TXNL1: variants seen among roughly 807,000 people sequenced by gnomAD.
TXNL1 encodes the protein thioredoxin like 1.
In TXNL1, 14 loss-of-function variants were observed where a neutral mutation model predicts 35.5. The ratio of observed to expected loss-of-function variants is 0.39; its 90% CI spans 0.26 to 0.62. The LOEUF is 0.62. Ranked by LOEUF, TXNL1 falls within the 20% of genes least tolerant of loss-of-function variation. The probability of loss-of-function intolerance (pLI) is 0.47; values close to 1 mark genes in which losing one functional copy is unlikely to be tolerated. For missense variants in TXNL1, 263 were observed against 349.7 expected (o/e 0.75, Z 1.98); for synonymous variants, 110 against 115.5 (o/e 0.95, Z 0.31).
chr18:56,636,813 CG>C (rs752408886), intron 1 of TXNL1, among the ~76,000 whole-genome samples: 1 of 152,092 alleles, frequency 6.6e-6, no homozygotes, highest in Non-Finnish European at 1.5e-5. Flanking sequence ...AAAGCTTCGA[CG>C]GGCCAGAATT....
At chr18:56,610,651 A>G (rs1475461731) in intron 7 of TXNL1, 1 of 155,228 alleles carries the variant, frequency 6.4e-6, no homozygotes, top group Non-Finnish European at 1.4e-5. Context: ...CAACTAAGTT[A>G]TTTAATTCTC....
chr18:56,612,759 C>T (rs2024018214), intron 6 of TXNL1, among the ~76,000 whole-genome samples: 1 of 152,036 alleles, frequency 6.6e-6, no homozygotes, highest in African/African-American at 2.4e-5. Context: ...TCATAGGCAG[C>T]CATATGTTAT....
intron 3 of TXNL1, among the ~76,000 whole-genome samples, chr18:56,621,000 C>T (rs751336013): frequency 1.3e-5 from 2 of 152,254 alleles, no homozygotes; most frequent in Non-Finnish European, 2.9e-5. Flanking sequence ...GAACATTTGC[C>T]TTAAAAGGGC....
chr18:56,635,413 GATT>G (rs1430510023), intron 1 of TXNL1, among the ~76,000 whole-genome samples: 1 of 152,146 alleles, frequency 6.6e-6, no homozygotes, highest in Admixed American at 6.6e-5. Flanking sequence ...TAAATAAATG[GATT>G]ATGTTATGCA....
intron 7 of TXNL1, among the ~76,000 whole-genome samples, chr18:56,604,648 T>C (rs2023860063): frequency 6.6e-6 from 1 of 152,326 alleles, no homozygotes; most frequent in Admixed American, 6.5e-5. Flanking sequence ...TGATCTTCTA[T>C]ATTAATATGT....
At chr18:56,605,911 G>T in intron 7 of TXNL1, among the ~76,000 whole-genome samples, 1 of 152,254 alleles carries the variant, frequency 6.6e-6, no homozygotes, top group Non-Finnish European at 1.5e-5. Context: ...ACTAAAAACG[G>T]AAATTATCCA....
chr18:56,629,154 A>G (rs950619374), intron 1 of TXNL1, among the ~76,000 whole-genome samples: 9 of 152,234 alleles, frequency 5.9e-5, no homozygotes, highest in African/African-American at 2.2e-4. Flanking sequence ...ATGTAGTATA[A>G]GGAAGTTCAA....
Position 56,611,083 on chromosome 18 carries a change from C to T in TXNL1, c.750G>A (p.Ser250=), listed in dbSNP as rs756925766. ...NVNSVTIFVQ[S]NQGEEETTRI... is the part of the protein sequence containing the mutation. ...TTGTTGTTTCCTCTTCACCTTGATT[C>T]GACTGAACAAATATCTACCAAAAAA... The change falls in exon 7 of 8, where the codon TCG becomes TCA. Residue 250 remains serine (S), a synonymous_variant. Transcript: ENST00000217515. 2.1e-5 allele frequency: 34 copies of T among 1,602,060 alleles called. No individual in the cohort carries two copies. In the Middle Eastern group the frequency reaches 1.5e-3, roughly 70 times the overall value.
chr18:56,631,675 G>A (rs2024373443), intron 1 of TXNL1, among the ~76,000 whole-genome samples: 1 of 152,074 alleles, frequency 6.6e-6, no homozygotes, highest in Non-Finnish European at 1.5e-5. Context: ...TCCCAGCACT[G>A]TGGGGAGGCC....
chr18:56,624,367 A>T lies in TXNL1; in HGVS notation c.290T>A (p.Val97Glu). 1 of 1,613,844 alleles carries T rather than the reference A, an allele frequency of 6.2e-7. No individual in the cohort carries two copies. Among genetic ancestry groups the T allele is most frequent in the Non-Finnish European group, 8.5e-7 (1 of 1,179,866 alleles). The part of the protein sequence containing the change: ...RIDQYQGADA[V>E]GLEEKIKQHL... ...CTGCTTGATTTTTTCTTCTAATCCC[A>T]CAGCATCTGCTCCTTGATATTGATC... Residue 97 changes from valine (V) to glutamate (E), a missense_variant, in exon 3 of 8, where the codon GTG becomes GAG. Physicochemically the swap from Val to Glu is moderately radical, Grantham distance 121. Transcript: ENST00000217515.
intron 3 of TXNL1, among the ~76,000 whole-genome samples, chr18:56,619,487 G>A (rs568165530): frequency 1.5e-5 from 2 of 135,640 alleles, no homozygotes; most frequent in African/African-American, 5.6e-5. Context: ...GCAGTGAGCC[G>A]AGATCACACC....
At chr18:56,609,404 C>T (rs1394598127) in intron 7 of TXNL1, 2 of 152,028 alleles carry the variant, frequency 1.3e-5, no homozygotes, top group East Asian at 1.9e-4. Context: ...ATGTTAAACA[C>T]GAGGTGGAGG....
intron 6 of TXNL1, among the ~76,000 whole-genome samples, chr18:56,611,788 G>C (rs1242640416): frequency 2.0e-5 from 3 of 150,784 alleles, no homozygotes; most frequent in Non-Finnish European, 3.0e-5. Flanking sequence ...CCGCCTCCCA[G>C]GTTCAAACGA....
In TXNL1 at chr18:56,624,302, T is replaced by C; in HGVS notation, c.355A>G (p.Ile119Val). 1.2e-6 allele frequency: 2 copies of C among 1,613,058 alleles called. No homozygotes were observed. Among genetic ancestry groups the C allele is most frequent in the South Asian group, 1.1e-5 (1 of 90,960 alleles). Residue 119 changes from isoleucine to valine, a missense_variant, in exon 3 of 8, where the codon ATT becomes GTT. Transcript: ENST00000217515. ...NDPGSNEDTD[I>V]PKGYMDLMPF... ...AGTCTACATACATAGCCTTTTGGAA[T>C]ATCTGTGTCCTCATTGCTTCCAGGG...
chr18:56,632,552 A>G (rs1380030138), intron 1 of TXNL1, among the ~76,000 whole-genome samples: 2 of 152,216 alleles, frequency 1.3e-5, no homozygotes, highest in African/African-American at 2.4e-5. Context: ...AGTCCAAAAC[A>G]ATGTCCTACA....
chr18:56,637,990 G>A (rs1055112032), intron 1 of TXNL1, among the ~76,000 whole-genome samples: 2 of 152,244 alleles, frequency 1.3e-5, no homozygotes, highest in African/African-American at 4.8e-5. Flanking sequence ...TGGCTCTGCA[G>A]AAAGAAGGGG....
intron 3 of TXNL1, among the ~76,000 whole-genome samples, chr18:56,619,182 C>G (rs2024139013): frequency 6.7e-6 from 1 of 148,820 alleles, no homozygotes. Context: ...CCATTGTACT[C>G]CAGCCCAGGC....
chr18:56,604,615 T>C (rs2023859507), intron 7 of TXNL1: 1 of 152,150 alleles, frequency 6.6e-6, no homozygotes, highest in South Asian at 2.1e-4. Context: ...GTGTAAAAAA[T>C]ATTTATTCAG....
intron 1 of TXNL1, among the ~76,000 whole-genome samples, chr18:56,627,439 G>A (rs1200399532): frequency 6.6e-6 from 1 of 152,100 alleles, no homozygotes; most frequent in Non-Finnish European, 1.5e-5. Context: ...AGCCCAAGTC[G>A]TTTTGAGGTT....
Sources: gnomAD v4.1 joint callset for allele counts (sites outside exome capture counted in the v4.1 genomes callset) on GRCh38, gnomAD v4.1.1 for gene constraint, MANE v1.5 for transcripts, NCBI Gene and HGNC (gene_info 2026-07-23, HGNC 2026-07-21) for gene names.